ARID3A: variants seen among roughly 807,000 people sequenced by gnomAD.
ARID3A encodes the protein AT-rich interaction domain 3A.
A neutral mutation model predicts 52.7 loss-of-function variants in ARID3A; 11 were observed. The ratio of observed to expected loss-of-function variants is 0.21; its 90% confidence interval spans 0.13 to 0.35. The LOEUF (loss-of-function observed/expected upper bound fraction) is 0.35. ARID3A is among the 10% of genes least tolerant of loss of function. The pLI, the probability that ARID3A is intolerant of heterozygous loss-of-function variation, is 1.00. For synonymous variants in ARID3A, 404 were observed against 359.4 expected, an observed-to-expected ratio of 1.12 and a Z score of -1.40; for missense variants, 721 against 838.5, an observed-to-expected ratio of 0.86 and a Z score of 1.73.
intron 8 of ARID3A, among the ~76,000 whole-genome samples, chr19:971,593 G>A (rs1268875883): frequency 2.6e-5 from 4 of 152,020 alleles, no homozygotes; most frequent in East Asian, 1.9e-4. Context: ...CAGCCTGCGC[G>A]ACAGAGCGAG....
chr19:934,003 T>C (rs1208936999), intron 3 of ARID3A, among the ~76,000 whole-genome samples: 1 of 152,180 alleles, frequency 6.6e-6, no homozygotes, highest in Non-Finnish European at 1.5e-5. Flanking sequence ...TGTGATCTTT[T>C]CTGGGTTTAA....
At position 944,631 on chromosome 19, in the gene ARID3A, G is replaced by A. The variant is rs1053010232; in HGVS notation, c.693+11889G>A. 1.3e-5 allele frequency among the ~76,000 whole-genome samples: 2 copies of A among 152,130 alleles called. No individual in the cohort carries two copies. Among genetic ancestry groups the A allele is most frequent in the Admixed American group, 6.5e-5 (1 of 15,280 alleles). The stretch of plus-strand genomic sequence containing the variant: ...GAACCTCCTTCATTGTCTGGTTTTC[G>A]GGGGTGGATTTTGAGACAGGGTCTC... On this transcript the variant is annotated intron_variant, in intron 3 of 8. Coordinates refer to ENST00000263620, the MANE Select transcript of ARID3A (RefSeq NM_005224.3). This position sits in a 1 kb window ranked among gnomAD's most constrained non-coding sequence, Gnocchi z 5.9.
rs745885970 is a variant in ARID3A, at chr19:965,057, C to T, written c.1175C>T (p.Thr392Ile). The change falls in exon 6 of 9, where the codon ACC (threonine) becomes ATC (isoleucine). Residue 392 changes from threonine to isoleucine, a missense_variant. Physicochemically the swap from Thr to Ile is moderately conservative, Grantham distance 89 (BLOSUM62 -1). This residue lies in a region of ARID3A where 297 missense variants were observed against 343.2 expected (regional missense o/e 0.87). Transcript: ENST00000263620. ...LAASTNGSSI[T>I]PAPKIKKEED... ...GCAAGCACCAATGGCAGCTCCATCA[C>T]CCCCGCCCCTAAGATCAAGAAAGGT... The T allele has an allele frequency of 6.2e-7, 1 of 1,609,986 alleles. No homozygotes were observed. Among genetic ancestry groups the T allele is most frequent in the Non-Finnish European group, 8.5e-7 (1 of 1,177,920 alleles).
Position 932,449 on chromosome 19 carries a change from G to A in ARID3A, c.400G>A (p.Glu134Lys). ...KPKWEEEEME[E>K]DLGEDEEEEE... Reference sequence around the variant, plus strand: ...CAAATGGGAGGAGGAGGAGATGGAGGAAGACCTCGGGGAGGATGAGGAGGA... The same window carrying A: ...CAAATGGGAGGAGGAGGAGATGGAGAAAGACCTCGGGGAGGATGAGGAGGA... Residue 134 changes from glutamate (E) to lysine (K), a missense_variant, in exon 3 of 9, where the codon GAA becomes AAA. Physicochemically the swap from Glu to Lys is moderately conservative, Grantham distance 56. This residue lies in a region of ARID3A where 349 missense variants were observed against 297.3 expected (regional missense o/e 1.17). Coordinates refer to ENST00000263620, the MANE Select transcript of ARID3A (RefSeq NM_005224.3). 7 of 1,589,666 alleles carry A rather than the reference G, an allele frequency of 4.4e-6. No individual in the cohort carries two copies. Among genetic ancestry groups the A allele is most frequent in the Non-Finnish European group, 5.1e-6 (6 of 1,173,786 alleles).
At position 941,158 on chromosome 19, in the gene ARID3A, C is replaced by T. The variant is rs550687367; in HGVS notation, c.693+8416C>T. Among the ~76,000 whole-genome samples, 1 of 152,346 alleles carries T rather than the reference C, an allele frequency of 6.6e-6. No homozygotes were observed. The highest frequency in any genetic ancestry group is 1.9e-4 in the East Asian group (1 of 5,186). On this transcript the variant is annotated intron_variant, in intron 3 of 8. Coordinates refer to ENST00000263620, the MANE Select transcript of ARID3A (RefSeq NM_005224.3). This position sits in a 1 kb window ranked among gnomAD's most constrained non-coding sequence, Gnocchi z 6.9. The stretch of plus-strand genomic sequence containing the variant: ...TGCTTTCTAATAACACACGCGGCAG[C>T]CCGAGGGAGCGGTGCCCGCAGGCAG...
intron 3 of ARID3A, among the ~76,000 whole-genome samples, chr19:950,521 G>A (rs2037783601): frequency 6.6e-6 from 1 of 152,228 alleles, no homozygotes; most frequent in Non-Finnish European, 1.5e-5. Context: ...TTCAGGGGGA[G>A]CAGCCAGGTG....
chr19:955,983 T>C (rs1336744838), intron 3 of ARID3A, among the ~76,000 whole-genome samples: 1 of 152,144 alleles, frequency 6.6e-6, no homozygotes, highest in African/African-American at 2.4e-5. Context: ...TCCCAGCTCC[T>C]GGGGGCTCCA....
At position 929,160 on chromosome 19, in the gene ARID3A, T is replaced by G; in HGVS notation, c.-267-102T>G. ...AAGGCCTCCAGGTCTGCATCCTGCATGAGATGGACATGAGAGCTGATCCCC... is the reference window on the plus strand; with the variant it reads ...AAGGCCTCCAGGTCTGCATCCTGCAGGAGATGGACATGAGAGCTGATCCCC... On this transcript the variant is annotated intron_variant, in intron 1 of 8. Coordinates refer to ENST00000263620, the MANE Select transcript of ARID3A (RefSeq NM_005224.3). This position sits in a 1 kb window ranked among gnomAD's most constrained non-coding sequence, Gnocchi z 6.2. 4.9e-5 allele frequency: 8 copies of G among 161,876 alleles called. No individual in the cohort carries two copies. The highest frequency in any genetic ancestry group is 8.1e-5 in the Non-Finnish European group (6 of 74,256). 10.0% of individuals were successfully genotyped at this position (161,876 alleles called of 1,614,324 possible).
At chr19:970,364 G>T (rs964995078) in intron 8 of ARID3A, among the ~76,000 whole-genome samples, 1 of 152,028 alleles carries the variant, frequency 6.6e-6, no homozygotes, top group African/African-American at 2.4e-5. Context: ...AGTGGAGTCA[G>T]TGCCAGGGGC....
chr19:953,320 G>T (rs1399625614), intron 3 of ARID3A, among the ~76,000 whole-genome samples: 2 of 152,102 alleles, frequency 1.3e-5, no homozygotes, highest in African/African-American at 4.8e-5. Context: ...CCCTTCCAGG[G>T]CTGGGGGGTG....
intron 1 of ARID3A, among the ~76,000 whole-genome samples, chr19:926,333 C>T (rs2037197065): frequency 6.6e-6 from 1 of 151,606 alleles, no homozygotes; most frequent in Non-Finnish European, 1.5e-5. Flanking sequence ...ACTGGGAAGG[C>T]GGCCCTGGCG....
intron 3 of ARID3A, among the ~76,000 whole-genome samples, chr19:957,187 CG>C (rs1333619137): frequency 6.6e-6 from 1 of 152,136 alleles, no homozygotes; most frequent in Non-Finnish European, 1.5e-5. Flanking sequence ...GAAGACGTTC[CG>C]GGGCCTGGTG....
In ARID3A at chr19:959,958, G is replaced by A. The variant is rs1407437603; in HGVS notation, c.694-134G>A. 2 of 616,020 alleles carry A rather than the reference G, an allele frequency of 3.2e-6. No individual in the cohort carries two copies. The highest frequency in any genetic ancestry group is 3.5e-5 in the Admixed American group (1 of 28,540). The allele number at this position is 616,020 out of a possible 1,614,324, so 38.2% of individuals were successfully genotyped here. A position where few individuals can be genotyped will look rare whatever the true frequency, so the allele number is the denominator to read the frequency against. The stretch of plus-strand genomic sequence containing the variant: ...CCTGCCCAGCGGGGTCTTCGGCTCT[G>A]GCAGCGGCTTGAGGGTCCTAGGGGT... On this transcript the variant is annotated intron_variant, in intron 3 of 8. Coordinates refer to ENST00000263620, the MANE Select transcript of ARID3A (RefSeq NM_005224.3). The surrounding 1 kb of genome is among the most constrained non-coding windows in gnomAD (Gnocchi z 5.0).
intron 4 of ARID3A, among the ~76,000 whole-genome samples, chr19:962,832 C>A (rs1359876439): frequency 6.6e-6 from 1 of 152,124 alleles, no homozygotes; most frequent in Admixed American, 6.6e-5. Context: ...GTTACTTTTA[C>A]TTTGCAAACT....
rs565797164 is a variant in ARID3A, at chr19:968,609, G to A, written c.1594+106G>A. The A allele has an allele frequency of 5.2e-5, 51 of 987,208 alleles. No homozygotes were observed. In the African/African-American group the frequency reaches 5.7e-4, roughly 11 times the overall value. The allele number at this position is 987,208 out of a possible 1,614,324, so 61.2% of individuals were successfully genotyped here. A position where few individuals can be genotyped will look rare whatever the true frequency, so the allele number is the denominator to read the frequency against. ...CCCACCTGCTTGAACCTAGGTGTGC[G>A]GGCGAGCAGGGCACGGCCAGGGGCT... On this transcript the variant is annotated intron_variant, in intron 8 of 8. Coordinates refer to ENST00000263620, the MANE Select transcript of ARID3A (RefSeq NM_005224.3).
chr19:953,729 A>AAGGAACAG (rs2037854337), intron 3 of ARID3A, among the ~76,000 whole-genome samples: 2 of 152,272 alleles, frequency 1.3e-5, no homozygotes, highest in Admixed American at 1.3e-4. Flanking sequence ...TTCCAGGCAG[A>AAGGAACAG]AGGAACAGCG....
chr19:930,698 A>G (rs1337075930), intron 2 of ARID3A, among the ~76,000 whole-genome samples: 2 of 150,214 alleles, frequency 1.3e-5, no homozygotes, highest in Admixed American at 1.3e-4. Flanking sequence ...TTTAGTAGAG[A>G]CGGGGTTTCA....
Position 932,487 on chromosome 19 carries a change from T to C in ARID3A, c.438T>C (p.Asp146=). The part of the protein sequence containing the change: ...LGEDEEEEEE[D]YEDEEEEEDE... ...AGGATGAGGAGGAGGAGGAGGAGGATTACGAGGATGAGGAGGAGGAGGAGG... is the reference window on the plus strand; with the variant it reads ...AGGATGAGGAGGAGGAGGAGGAGGACTACGAGGATGAGGAGGAGGAGGAGG... Residue 146 remains aspartate, a synonymous_variant, in exon 3 of 9, where the codon GAT becomes GAC. Transcript: ENST00000263620. 6.4e-7 allele frequency: 1 copy of C among 1,565,028 alleles called. No homozygotes were observed. Among genetic ancestry groups the C allele is most frequent in the Non-Finnish European group, 8.6e-7 (1 of 1,162,390 alleles).
chr19:928,469 A>T (rs1040189359), intron 1 of ARID3A: 1 of 152,012 alleles, frequency 6.6e-6, no homozygotes, highest in African/African-American at 2.4e-5. Context: ...AGGACCGGGA[A>T]ACTCCAGACC....
Sources: gnomAD v4.1 joint callset for allele counts (sites outside exome capture counted in the v4.1 genomes callset) on GRCh38, gnomAD v4.1.1 for gene constraint, gnomAD v4.1.1 regional missense constraint, Gnocchi (gnomAD v3.1) non-coding constraint, MANE v1.5 for transcripts, NCBI Gene and HGNC (gene_info 2026-07-23, HGNC 2026-07-21) for gene names.